WDR70: variants seen among roughly 807,000 people sequenced by gnomAD.
WDR70 encodes the protein WD repeat-containing protein 70.
Under a neutral mutation model 88.6 loss-of-function variants are expected in WDR70, and 53 were observed. The observed-to-expected ratio is 0.60, with a 90% CI of 0.48 to 0.75. The LOEUF is 0.75. WDR70 is among the 30% of genes least tolerant of loss of function. The pLI is 0.00. For synonymous variants in WDR70, 280 were observed against 270.0 expected (o/e 1.04, Z -0.36); for missense variants, 610 against 823.2 (o/e 0.74, Z 3.17).
At chr5:37,497,046 G>A (rs1272853373) in intron 8 of WDR70, among the ~76,000 whole-genome samples, 2 of 152,222 alleles carry the variant, frequency 1.3e-5, no homozygotes, top group East Asian at 1.9e-4. Flanking sequence ...ATCATGAACT[G>A]TTTTCCTTGC....
chr5:37,574,157 G>A (rs1742989390), intron 9 of WDR70, among the ~76,000 whole-genome samples: 1 of 152,164 alleles, frequency 6.6e-6, no homozygotes. Flanking sequence ...AATCCACTGG[G>A]ACCTCTGGAG....
At chr5:37,429,515 T>C (rs757250130) in intron 5 of WDR70, among the ~76,000 whole-genome samples, 23 of 152,194 alleles carry the variant, frequency 1.5e-4, no homozygotes, top group Admixed American at 5.9e-4. Context: ...TTTTTATGTA[T>C]GGTGTAAGGA....
At chr5:37,562,598 T>G (rs1742546776) in intron 9 of WDR70, among the ~76,000 whole-genome samples, 1 of 152,190 alleles carries the variant, frequency 6.6e-6, no homozygotes, top group South Asian at 2.1e-4. Context: ...CTTCCGGCCT[T>G]CCGCAGTGTT....
intron 10 of WDR70, among the ~76,000 whole-genome samples, chr5:37,690,672 C>T (rs1007747053): frequency 3.9e-5 from 6 of 152,140 alleles, no homozygotes; most frequent in African/African-American, 1.4e-4. Context: ...GAGGTTTTGT[C>T]AGCACCAGGC....
chr5:37,525,606 C>T (rs890095449), intron 9 of WDR70, among the ~76,000 whole-genome samples: 16 of 152,078 alleles, frequency 1.1e-4, no homozygotes, highest in African/African-American at 3.4e-4. Flanking sequence ...CAAAAGCTAG[C>T]AGAAGGCAAG....
intron 9 of WDR70, among the ~76,000 whole-genome samples, chr5:37,603,168 C>T (rs1461683653): frequency 3.3e-5 from 5 of 151,418 alleles, no homozygotes; most frequent in African/African-American, 1.2e-4. Flanking sequence ...TCATATGAAA[C>T]CACGAAAGAT....
intron 6 of WDR70, 70 bp from the exon 7 acceptor site, chr5:37,443,169 G>T (rs1252772532): frequency 2.0e-6 from 3 of 1,509,024 alleles, no homozygotes; most frequent in African/African-American, 2.8e-5. Flanking sequence ...TTAAAGAACA[G>T]AAATGGGAGG....
intron 9 of WDR70, among the ~76,000 whole-genome samples, chr5:37,563,772 A>G (rs1299836584): frequency 2.7e-5 from 3 of 111,542 alleles, no homozygotes; most frequent in Non-Finnish European, 6.0e-5. Flanking sequence ...TCCCAGACGG[A>G]GTGGCTGCCG....
intron 10 of WDR70, among the ~76,000 whole-genome samples, chr5:37,675,426 G>A (rs894558937): frequency 6.6e-6 from 1 of 152,056 alleles, no homozygotes; most frequent in African/African-American, 2.4e-5. Flanking sequence ...TGTAAGGAAG[G>A]GATCCAGTTT....
chr5:37,744,496 G>A (rs888693944), intron 17 of WDR70, among the ~76,000 whole-genome samples: 6 of 151,960 alleles, frequency 3.9e-5, no homozygotes, highest in East Asian at 1.9e-4. Flanking sequence ...CTAAAGGAGC[G>A]TGTCCTTACC....
intron 10 of WDR70, among the ~76,000 whole-genome samples, chr5:37,656,900 A>T (rs1456795871): frequency 6.6e-6 from 1 of 151,962 alleles, no homozygotes. Flanking sequence ...GGGTGGGAAA[A>T]TTTCAAGCCA....
intron 10 of WDR70, among the ~76,000 whole-genome samples, chr5:37,674,135 G>C (rs1320876440): frequency 6.6e-6 from 1 of 152,128 alleles, no homozygotes; most frequent in Non-Finnish European, 1.5e-5. Flanking sequence ...TATGTACACA[G>C]TAATGGGATT....
At chr5:37,736,364 C>T (rs75637813) in intron 17 of WDR70, among the ~76,000 whole-genome samples, 11,380 of 152,158 alleles carry the variant, frequency 0.075, 589 homozygotes, top group Non-Finnish European at 0.11. Context: ...AAATATCATT[C>T]CCACCTATAA....
intron 17 of WDR70, among the ~76,000 whole-genome samples, chr5:37,734,908 T>TATA (rs1298842014): frequency 6.6e-6 from 1 of 152,174 alleles, no homozygotes; most frequent in Non-Finnish European, 1.5e-5. Flanking sequence ...ATACGACCGT[T>TATA]ATATGATTGT....
intron 5 of WDR70, among the ~76,000 whole-genome samples, chr5:37,415,545 C>T (rs1749692788): frequency 1.9e-5 from 2 of 103,456 alleles, no homozygotes; most frequent in African/African-American, 6.4e-5. Flanking sequence ...CCGGGTGGGG[C>T]GGCTGGCCGG....
intron 17 of WDR70, among the ~76,000 whole-genome samples, chr5:37,749,167 T>C (rs780043003): frequency 6.6e-6 from 1 of 152,196 alleles, no homozygotes; most frequent in Non-Finnish European, 1.5e-5. Flanking sequence ...CGTATGTTTA[T>C]TGCAGCACTG....
At chr5:37,705,387 A>G (rs1747292691) in intron 13 of WDR70, among the ~76,000 whole-genome samples, 1 of 152,200 alleles carries the variant, frequency 6.6e-6, no homozygotes, top group Admixed American at 6.5e-5. Context: ...GAATCATCTG[A>G]GAAAAGCTGG....
chr5:37,738,531 C>T (rs1748373622), intron 17 of WDR70, among the ~76,000 whole-genome samples: 1 of 145,406 alleles, frequency 6.9e-6, no homozygotes, highest in Non-Finnish European at 1.5e-5. Context: ...AGACATAGGT[C>T]AAAGCTTAAT....
intron 9 of WDR70, among the ~76,000 whole-genome samples, chr5:37,595,799 C>A (rs1581422451): frequency 6.6e-6 from 1 of 152,026 alleles, no homozygotes; most frequent in African/African-American, 2.4e-5. Flanking sequence ...AGGGCCTTTA[C>A]CTTTTCTTGA....
Sources: allele counts gnomAD v4.1 joint callset (sites outside exome capture counted in the v4.1 genomes callset), GRCh38; gene constraint gnomAD v4.1.1; transcripts MANE v1.5; gene names NCBI Gene and HGNC (gene_info 2026-07-23, HGNC 2026-07-21).